Variants in ACSL3 observed in about 807,000 individuals in gnomAD.
ACSL3 encodes the protein acyl-CoA synthetase long chain family member 3.
ACSL3 carries 34 observed loss-of-function variants against 84.7 expected under a neutral mutation model. The observed-to-expected ratio is 0.40, with a 90% CI of 0.31 to 0.53. The LOEUF is 0.53. Among genes scored for constraint, ACSL3 ranks in the 20% least tolerant of loss-of-function variants. The pLI is 0.48. For missense variants in ACSL3, 680 were observed against 873.1 expected (o/e 0.78, Z 2.79); for synonymous variants, 315 against 299.4 (o/e 1.05, Z -0.54).
intron 1 of ACSL3, among the ~76,000 whole-genome samples, chr2:222,870,463 T>A (rs1428615759): frequency 1.3e-5 from 2 of 152,196 alleles, no homozygotes; most frequent in East Asian, 3.8e-4. Flanking sequence ...TATATTGAGA[T>A]GTACAATTGT....
chr2:222,927,818 G>A (rs1696923580), intron 12 of ACSL3, among the ~76,000 whole-genome samples: 1 of 152,170 alleles, frequency 6.6e-6, no homozygotes, highest in African/African-American at 2.4e-5. Context: ...TATACGGATA[G>A]ATACAAAACC....
At chr2:222,927,777 C>T (rs1696922015) in intron 12 of ACSL3, among the ~76,000 whole-genome samples, 1 of 152,230 alleles carries the variant, frequency 6.6e-6, no homozygotes, top group Admixed American at 6.5e-5. Context: ...GTACAGGATA[C>T]AGCTGTGCTT....
chr2:222,920,465 A>G (rs36048754), intron 7 of ACSL3, among the ~76,000 whole-genome samples: 3,716 of 152,252 alleles, frequency 0.024, 96 homozygotes, highest in Middle Eastern at 0.041. Context: ...AATGGTTCAC[A>G]TCGTGTTTTA....
At chr2:222,922,923 C>T (rs751158518) in intron 9 of ACSL3, 92 bp downstream of exon 9, 26 of 1,523,366 alleles carry the variant, frequency 1.7e-5, no homozygotes, top group African/African-American at 4.2e-5. Flanking sequence ...ATTGCGAGAG[C>T]GATGGTTCAT....
intron 8 of ACSL3, among the ~76,000 whole-genome samples, chr2:222,921,955 T>C (rs1394286049): frequency 6.6e-6 from 1 of 152,086 alleles, no homozygotes; most frequent in Non-Finnish European, 1.5e-5. Context: ...GGTACAGTGG[T>C]TGGATATTTT....
At chr2:222,865,359 A>G (rs1421047370) in intron 1 of ACSL3, among the ~76,000 whole-genome samples, 2 of 152,242 alleles carry the variant, frequency 1.3e-5, no homozygotes, top group Non-Finnish European at 2.9e-5. Flanking sequence ...TAAATAACCA[A>G]CCTTTTGGAT....
At chr2:222,884,758 A>G (rs1459250992) in intron 1 of ACSL3, among the ~76,000 whole-genome samples, 2 of 152,308 alleles carry the variant, frequency 1.3e-5, no homozygotes, top group South Asian at 2.1e-4. Flanking sequence ...GAGGTCCTTT[A>G]TTCAGCTTAC....
chr2:222,876,122 G>A (rs1361850473), intron 1 of ACSL3, among the ~76,000 whole-genome samples: 1 of 152,188 alleles, frequency 6.6e-6, no homozygotes, highest in African/African-American at 2.4e-5. Context: ...TGACATTTGA[G>A]CTAGAGTTTG....
chr2:222,905,310 A>G (rs888895826), intron 3 of ACSL3, among the ~76,000 whole-genome samples: 2 of 152,036 alleles, frequency 1.3e-5, no homozygotes, highest in African/African-American at 2.4e-5. Context: ...ACAAGTGTGC[A>G]CCACCACACC....
intron 1 of ACSL3, among the ~76,000 whole-genome samples, chr2:222,883,474 T>A (rs1254058329): frequency 6.6e-6 from 1 of 152,146 alleles, no homozygotes; most frequent in Non-Finnish European, 1.5e-5. Flanking sequence ...TGAGCCACCA[T>A]GCCCAGCCAG....
At chr2:222,929,868 C>T (rs183885160) in intron 13 of ACSL3, among the ~76,000 whole-genome samples, 1 of 150,140 alleles carries the variant, frequency 6.7e-6, no homozygotes, top group Admixed American at 6.6e-5. Flanking sequence ...TAAATTTAGG[C>T]TTGGAGTCAT....
intron 1 of ACSL3, among the ~76,000 whole-genome samples, chr2:222,882,427 C>T (rs1695613120): frequency 6.6e-6 from 1 of 152,124 alleles, no homozygotes; most frequent in Admixed American, 6.5e-5. Flanking sequence ...GCACTAGGGA[C>T]CCAGTTTCGT....
rs1574536264 is a variant in ACSL3, at chr2:222,897,794, C to T, written c.-147-2880C>T. 4.9e-5 allele frequency among the ~76,000 whole-genome samples: 2 copies of T among 40,526 alleles called. 1 individual carries two copies. The highest frequency in any genetic ancestry group is 7.8e-5 in the Non-Finnish European group (2 of 25,670). The allele number at this position is 40,526 out of a possible 152,430, so 26.6% of individuals were successfully genotyped here. On this transcript the variant is annotated intron_variant, in intron 2 of 16. Coordinates refer to ENST00000357430, the MANE Select transcript of ACSL3 (RefSeq NM_004457.5). Reference sequence around the variant, plus strand: ...AAAACCAGTCAGGCGTGGTGACGCGCGCCTGCAATCGCAGGCACTCGGCAG... The same window carrying T: ...AAAACCAGTCAGGCGTGGTGACGCGTGCCTGCAATCGCAGGCACTCGGCAG...
chr2:222,899,973 A>T (rs1696095792), intron 2 of ACSL3, among the ~76,000 whole-genome samples: 1 of 152,144 alleles, frequency 6.6e-6, no homozygotes, highest in South Asian at 2.1e-4. Context: ...GCAGCCCAGC[A>T]AGTCCCAGCC....
At chr2:222,899,786 TTAAGA>T (rs1231226677) in intron 2 of ACSL3, among the ~76,000 whole-genome samples, 1 of 152,228 alleles carries the variant, frequency 6.6e-6, no homozygotes, top group African/African-American at 2.4e-5. Flanking sequence ...AATTACTATA[TTAAGA>T]TAACATTGCA....
At chr2:222,900,255 C>A (rs1471044141) in intron 2 of ACSL3, among the ~76,000 whole-genome samples, 1 of 152,222 alleles carries the variant, frequency 6.6e-6, no homozygotes, top group Non-Finnish European at 1.5e-5. Flanking sequence ...TGGCTCTCCC[C>A]TCCCTTGGCT....
intron 11 of ACSL3, 126 bp downstream of exon 11, chr2:222,924,721 C>CT: frequency 8.7e-7 from 1 of 1,151,450 alleles, no homozygotes; most frequent in East Asian, 3.1e-5. Flanking sequence ...CAAGAGAACT[C>CT]TTTAAAAAAA....
At chr2:222,875,377 CTA>C (rs1206955958) in intron 1 of ACSL3, among the ~76,000 whole-genome samples, 1 of 152,160 alleles carries the variant, frequency 6.6e-6, no homozygotes, top group African/African-American at 2.4e-5. Flanking sequence ...AATCTCATAT[CTA>C]TTCGTCATGA....
chr2:222,918,958 GAGGCAAGAAATTACTTAATGA>G (rs916541782), intron 6 of ACSL3, 85 bp from the exon 7 acceptor site: 51 of 1,357,754 alleles, frequency 3.8e-5, no homozygotes, highest in Middle Eastern at 1.9e-4. Flanking sequence ...TTTCTTTTTT[GAGGCAAGAAATTACTTAATGA>G]TTCACCGAAT....
Sources: gnomAD v4.1 joint callset for allele counts (sites outside exome capture counted in the v4.1 genomes callset) on GRCh38, gnomAD v4.1.1 for gene constraint, MANE v1.5 for transcripts, NCBI Gene and HGNC (gene_info 2026-07-23, HGNC 2026-07-21) for gene names.